COPS2: variants seen among roughly 807,000 people sequenced by gnomAD.
The protein encoded by COPS2 is COP9 signalosome complex subunit 2.
A neutral mutation model predicts 66.1 loss-of-function variants in COPS2; 10 were observed. The ratio of observed to expected loss-of-function variants is 0.15; its 90% CI spans 0.09 to 0.26. COPS2 has a LOEUF of 0.26. Ranked by LOEUF, COPS2 falls within the 10% of genes least tolerant of loss-of-function variation. COPS2 has a pLI of 1.00. For synonymous variants in COPS2, 179 were observed against 171.3 expected, an observed-to-expected ratio of 1.04 and a Z score of -0.35; for missense variants, 215 against 513.3, an observed-to-expected ratio of 0.42 and a Z score of 5.62.
rs138418117 is a variant in COPS2 at position 49,134,788 on chromosome 15, C to T, written c.541-274G>A. Among the ~76,000 whole-genome samples, 338 of 152,208 alleles carry T rather than the reference C, an allele frequency of 2.2e-3. 2 individuals are homozygous for T. Among genetic ancestry groups the T allele is most frequent in the African/African-American group, 7.8e-3 (322 of 41,532 alleles). ...TATCCACAGGGAATATATTCCAAGA[C>T]GTCCAGTGGATGCCTGAAACTATGT... On this transcript the variant is annotated intron_variant, in intron 6 of 12. Coordinates refer to ENST00000388901, the MANE Select transcript of COPS2 (RefSeq NM_004236.4).
At chr15:49,155,309 C>A (rs1203649350) in intron 1 of COPS2, among the ~76,000 whole-genome samples, 4 of 152,228 alleles carry the variant, frequency 2.6e-5, no homozygotes, top group Non-Finnish European at 5.9e-5. Context: ...GCCCGGGGCC[C>A]CCTTCGCTGC....
Position 49,137,213 on chromosome 15 carries a change from A to G in COPS2, c.477T>C (p.Tyr159=), listed in dbSNP as rs17473148. Residue 159 remains tyrosine, a synonymous_variant, in exon 6 of 13, where the codon TAT becomes TAC. Coordinates refer to ENST00000388901, the MANE Select transcript of COPS2 (RefSeq NM_004236.4). ...FKTNTKLGKL[Y]LEREEYGKLQ... is the part of the protein sequence containing the mutation. ...GCTTTCCATATTCCTCTCGTTCTAA[A>G]TATAATTTTCCAAGCTGCAAGAAAG... is the stretch of plus-strand genomic sequence containing the variant. The G allele has an allele frequency of 0.19, 307,064 of 1,602,346 alleles. 32,215 individuals carry two copies. Among genetic ancestry groups the G allele is most frequent in the Middle Eastern group, 0.28 (1,655 of 6,008 alleles).
chr15:49,131,766 C>T (rs1451757227), intron 9 of COPS2, among the ~76,000 whole-genome samples: 1 of 152,054 alleles, frequency 6.6e-6, no homozygotes, highest in Non-Finnish European at 1.5e-5. Flanking sequence ...AACACTTGCA[C>T]AAACATTTGT....
intron 6 of COPS2, among the ~76,000 whole-genome samples, 194 bp from the exon 7 acceptor site, chr15:49,134,708 T>C (rs141437196): frequency 1.9e-3 from 289 of 152,338 alleles, no homozygotes; most frequent in African/African-American, 6.4e-3. Context: ...TTCTACTTTT[T>C]AGTTATGAGA....
chr15:49,139,588 T>G lies in COPS2; in HGVS notation c.312A>C (p.Thr104=), dbSNP rs778627562. ...TAATGGATTTTTCAGAATAATTTCTTGTGACTGCACTCCGAATATAGGTCA... is the reference window on the plus strand; with the variant it reads ...TAATGGATTTTTCAGAATAATTTCTGGTGACTGCACTCCGAATATAGGTCA... ...QLLTYIRSAV[T]RNYSEKSINS... The change falls in exon 4 of 13, where the codon ACA becomes ACC. Residue 104 remains threonine, a synonymous_variant. Transcript: ENST00000388901. 14 of 1,598,154 alleles carry G rather than the reference T, an allele frequency of 8.8e-6. No individual in the cohort carries two copies. The South Asian group carries it at 1.5e-4, about 18-fold the overall frequency.
At chr15:49,128,156 A>T (rs2084182732) in intron 12 of COPS2, 62 bp from the exon 13 acceptor site, 2 of 1,519,066 alleles carry the variant, frequency 1.3e-6, no homozygotes, top group Non-Finnish European at 1.8e-6. Context: ...TTTCTGGATT[A>T]ATGTTTCATA....
At chr15:49,129,437 A>G in intron 11 of COPS2, 40 bp downstream of exon 11, 5 of 870,178 alleles carry the variant, frequency 5.7e-6, no homozygotes, top group Non-Finnish European at 8.2e-6. Context: ...ATTTATAACT[A>G]TAAATTATAA....
chr15:49,147,325 G>A (rs1201487414), intron 1 of COPS2, among the ~76,000 whole-genome samples: 1 of 152,062 alleles, frequency 6.6e-6, no homozygotes, highest in African/African-American at 2.4e-5. Context: ...AAAATGAAAA[G>A]TATTTCTGAT....
In COPS2 at chr15:49,147,591, G is replaced by T. The variant is rs570187681; in HGVS notation, c.55-2513C>A. 2.0e-5 allele frequency among the ~76,000 whole-genome samples: 3 copies of T among 152,080 alleles called. No homozygotes were observed. In the East Asian group the frequency reaches 5.8e-4, roughly 29 times the overall value. On this transcript the variant is annotated intron_variant, in intron 1 of 12. Coordinates refer to ENST00000388901, the MANE Select transcript of COPS2 (RefSeq NM_004236.4). ...TAACATTGTTAAAAACAGGATCCTT[G>T]ACATTTCCTGTCATATGTCACACAG... is the stretch of plus-strand genomic sequence containing the variant.
chr15:49,135,172 A>T (rs2084242106), intron 6 of COPS2, among the ~76,000 whole-genome samples: 1 of 152,190 alleles, frequency 6.6e-6, no homozygotes, highest in Admixed American at 6.5e-5. Flanking sequence ...AAATAAGCTG[A>T]CCACAGGAAA....
At chr15:49,134,542 C>T (rs2084236908) in intron 6 of COPS2, 28 bp from the exon 7 acceptor site, 1 of 1,547,630 alleles carries the variant, frequency 6.5e-7, no homozygotes, top group African/African-American at 1.4e-5. Flanking sequence ...TAACTTTAGA[C>T]AAGATAGAAT....
chr15:49,134,590 T>C, intron 6 of COPS2, 76 bp from the exon 7 acceptor site: 3 of 1,177,008 alleles, frequency 2.5e-6, no homozygotes, highest in Non-Finnish European at 2.4e-6. Flanking sequence ...CCTGGAAATC[T>C]TACATTTATA....
intron 1 of COPS2, among the ~76,000 whole-genome samples, chr15:49,148,505 T>C (rs971473451): frequency 2.0e-5 from 3 of 152,138 alleles, no homozygotes; most frequent in Non-Finnish European, 4.4e-5. Flanking sequence ...TGAAACAGTA[T>C]GAATAGTTTG....
At chr15:49,128,132 TTCA>T in intron 12 of COPS2, 38 bp from the exon 13 acceptor site, 1 of 1,592,616 alleles carries the variant, frequency 6.3e-7, no homozygotes, top group Non-Finnish European at 8.6e-7. Flanking sequence ...ACAAAAGACT[TTCA>T]TCAAGCACAG....
chr15:49,144,260 T>A lies in COPS2; in HGVS notation c.213A>T (p.Ala71=). The change falls in exon 3 of 13, where the codon GCA becomes GCT. Residue 71 remains alanine, a synonymous_variant. Coordinates refer to ENST00000388901, the MANE Select transcript of COPS2 (RefSeq NM_004236.4). Reference sequence around the variant, plus strand: ...AGTTAATCTTAATCATTTGTTTCAGTGCTTTAAATCCCCATTCTCCTTTTT... The same window carrying A: ...AGTTAATCTTAATCATTTGTTTCAGAGCTTTAAATCCCCATTCTCCTTTTT... ...EGEKGEWGFK[A]LKQMIKINFK... is the part of the protein sequence containing the mutation. The A allele has an allele frequency of 6.2e-7, 1 of 1,610,994 alleles. No individual in the cohort carries two copies. Among genetic ancestry groups the A allele is most frequent in the Non-Finnish European group, 8.5e-7 (1 of 1,178,114 alleles).
chr15:49,135,384 A>T (rs1054974958), intron 6 of COPS2, among the ~76,000 whole-genome samples: 1 of 152,188 alleles, frequency 6.6e-6, no homozygotes, highest in African/African-American at 2.4e-5. Flanking sequence ...TCATGGGGAA[A>T]TACAAAGTTA....
chr15:49,137,553 T>G, intron 4 of COPS2, 116 bp from the exon 5 acceptor site: 6 of 733,282 alleles, frequency 8.2e-6, no homozygotes, highest in Non-Finnish European at 1.4e-5. Context: ...TAAGATACAC[T>G]ATCTGTATCT....
In COPS2 at chr15:49,137,162, A is replaced by G; in HGVS notation, c.528T>C (p.His176=). 1 of 1,599,840 alleles carries G rather than the reference A, an allele frequency of 6.3e-7. No homozygotes were observed. The highest frequency in any genetic ancestry group is 8.5e-7 in the Non-Finnish European group (1 of 1,173,994). Residue 176 remains histidine, a synonymous_variant, in exon 6 of 13, where the codon CAT becomes CAC. Coordinates refer to ENST00000388901, the MANE Select transcript of COPS2 (RefSeq NM_004236.4). The part of the protein sequence containing the change: ...GKLQKILRQL[H]QSCQTDDGED... ...AAGGGAAAGCTACCTGGCACGACTG[A>G]TGTAACTGGCGTAAAATTTTTTGAA...
chr15:49,139,778 T>C (rs2084278525), intron 3 of COPS2, 125 bp from the exon 4 acceptor site: 2 of 687,432 alleles, frequency 2.9e-6, no homozygotes, highest in Non-Finnish European at 4.7e-6. Context: ...TGATATAGTT[T>C]TGTAAAAGAG....
Sources: gnomAD v4.1 joint callset for allele counts (sites outside exome capture counted in the v4.1 genomes callset) on GRCh38, gnomAD v4.1.1 for gene constraint, MANE v1.5 for transcripts, NCBI Gene and HGNC (gene_info 2026-07-23, HGNC 2026-07-21) for gene names.